Variants in RAI14 observed in about 807,000 individuals in gnomAD.
RAI14 encodes the protein retinoic acid induced 14, also known as ankycorbin.
In RAI14, 45 loss-of-function variants were observed where a neutral mutation model predicts 115.4. The observed-to-expected ratio is 0.39, with a 90% CI of 0.31 to 0.50. RAI14 has a LOEUF of 0.50. Ranked by LOEUF, RAI14 falls within the 20% of genes least tolerant of loss-of-function variation. The probability of loss-of-function intolerance (pLI) is 0.85; values close to 1 mark genes in which losing one functional copy is unlikely to be tolerated. For synonymous variants in RAI14, 371 were observed against 415.4 expected (o/e 0.89, Z 1.30); for missense variants, 939 against 1,131.2 (o/e 0.83, Z 2.44).
At chr5:34,820,102 G>C (rs187385033) in intron 13 of RAI14, among the ~76,000 whole-genome samples, 33 of 152,240 alleles carry the variant, frequency 2.2e-4, no homozygotes, top group Admixed American at 5.2e-4. Context: ...CTGTGATTTA[G>C]GCATCAGACT....
chr5:34,716,051 C>T (rs150182607), intron 2 of RAI14: 6 of 451,722 alleles, frequency 1.3e-5, no homozygotes, highest in African/African-American at 1.2e-4. Context: ...TTCCTGTCCT[C>T]TAGGAATTTG....
At chr5:34,798,261 A>C (rs529511250) in intron 4 of RAI14, among the ~76,000 whole-genome samples, 1 of 149,510 alleles carries the variant, frequency 6.7e-6, no homozygotes, top group African/African-American at 2.5e-5. Flanking sequence ...CTGGTCTTGA[A>C]CTCCTGACCT....
intron 3 of RAI14, among the ~76,000 whole-genome samples, chr5:34,761,500 C>T (rs569360339): frequency 2.0e-5 from 3 of 152,124 alleles, no homozygotes; most frequent in African/African-American, 4.8e-5. Flanking sequence ...AGAGAGCTTT[C>T]GTGGTAATTT....
intron 3 of RAI14, among the ~76,000 whole-genome samples, chr5:34,771,381 G>A (rs548283511): frequency 1.3e-5 from 2 of 152,280 alleles, no homozygotes; most frequent in Admixed American, 1.3e-4. Context: ...ACGCCCTGGT[G>A]GTGAAGAAGG....
At chr5:34,822,841 G>A (rs971876960) in intron 14 of RAI14, 115 bp from the exon 15 acceptor site, 15 of 916,414 alleles carry the variant, frequency 1.6e-5, no homozygotes, top group Non-Finnish European at 2.1e-5. Context: ...CCGCCACCAC[G>A]CCCGGCTAAT....
At chr5:34,721,880 T>G (rs1244459718) in intron 2 of RAI14, among the ~76,000 whole-genome samples, 1 of 152,094 alleles carries the variant, frequency 6.6e-6, no homozygotes, top group Non-Finnish European at 1.5e-5. Flanking sequence ...CCAGCTGTTT[T>G]GTAGTTTTAG....
chr5:34,668,345 G>GAGT (rs1743372706), intron 1 of RAI14, among the ~76,000 whole-genome samples: 1 of 150,306 alleles, frequency 6.7e-6, no homozygotes, highest in South Asian at 2.1e-4. Flanking sequence ...ACTGAGCCGA[G>GAGT]AGTACACCAT....
In RAI14 at chr5:34,789,382, G is replaced by T. The variant is rs560098389; in HGVS notation, c.168-6557G>T. 2.6e-5 allele frequency among the ~76,000 whole-genome samples: 4 copies of T among 152,316 alleles called. No individual in the cohort carries two copies. The South Asian group carries it at 8.3e-4, about 32-fold the overall frequency. On this transcript the variant is annotated intron_variant, in intron 3 of 17. Coordinates refer to ENST00000265109, the MANE Select transcript of RAI14 (RefSeq NM_015577.3). ...TTATTCAAAGTTGGCTATGCTTCTG[G>T]TTCACATTCCGAGGCTAAATGTTAA...
At chr5:34,772,467 A>G (rs1347131402) in intron 3 of RAI14, among the ~76,000 whole-genome samples, 1 of 152,220 alleles carries the variant, frequency 6.6e-6, no homozygotes, top group East Asian at 1.9e-4. Flanking sequence ...TGGGAGTAAT[A>G]AAGTTTACTC....
intron 2 of RAI14, among the ~76,000 whole-genome samples, chr5:34,744,369 C>T (rs1745911779): frequency 1.3e-5 from 2 of 152,028 alleles, no homozygotes; most frequent in South Asian, 2.1e-4. Context: ...TTTTGTGTAA[C>T]TACAAATTTT....
At chr5:34,691,921 C>T (rs1738650691) in intron 2 of RAI14, among the ~76,000 whole-genome samples, 1 of 152,138 alleles carries the variant, frequency 6.6e-6, no homozygotes, top group African/African-American at 2.4e-5. Flanking sequence ...TCTTAAAGAA[C>T]CAGGCATATC....
In RAI14 at chr5:34,792,665, G is replaced by A. The variant is rs115429561; in HGVS notation, c.168-3274G>A. Among the ~76,000 whole-genome samples the A allele has an allele frequency of 1.4e-3, 210 of 152,296 alleles. 1 individual carries two copies. Among genetic ancestry groups the A allele is most frequent in the African/African-American group, 4.6e-3 (190 of 41,574 alleles). ...TCTTGCAGAAACACCTTGAAATAAT[G>A]TTTAACTGAATCACATGAACTAGCA... On this transcript the variant is annotated intron_variant, in intron 3 of 17. Transcript: ENST00000265109.
At chr5:34,800,741 A>G (rs1754158723) in intron 4 of RAI14, among the ~76,000 whole-genome samples, 1 of 152,254 alleles carries the variant, frequency 6.6e-6, no homozygotes, top group Non-Finnish European at 1.5e-5. Flanking sequence ...TACTCAAAGT[A>G]AAAAGAAAAC....
At chr5:34,730,600 C>T (rs1218611007) in intron 2 of RAI14, among the ~76,000 whole-genome samples, 1 of 152,008 alleles carries the variant, frequency 6.6e-6, no homozygotes, top group African/African-American at 2.4e-5. Context: ...CACTTGAACC[C>T]GGGAGGCAGA....
intron 8 of RAI14, 132 bp from the exon 9 acceptor site, chr5:34,811,635 C>A: frequency 1.4e-6 from 1 of 730,774 alleles, no homozygotes; most frequent in Non-Finnish European, 2.1e-6. Context: ...ACTTCGAATT[C>A]CCTGAAGATT....
intron 1 of RAI14, among the ~76,000 whole-genome samples, chr5:34,676,450 A>G (rs1743979991): frequency 6.6e-6 from 1 of 152,194 alleles, no homozygotes; most frequent in South Asian, 2.1e-4. Flanking sequence ...TCCTAGAGTG[A>G]TTTTTATATT....
At chr5:34,820,409 G>A (rs180963648) in intron 13 of RAI14, among the ~76,000 whole-genome samples, 5 of 152,206 alleles carry the variant, frequency 3.3e-5, no homozygotes, top group African/African-American at 7.2e-5. Context: ...GCAAAACCCC[G>A]TCTCTACTAA....
In RAI14 at chr5:34,676,732, G is replaced by A. The variant is rs117532583; in HGVS notation, c.-48-10140G>A. On this transcript the variant is annotated intron_variant, in intron 1 of 17. Transcript: ENST00000265109. ...ATATTTGGTTTCCAAGAGAAATGTC[G>A]TCTCCTGGATAAAGGCAAGTTGTGA... Among the ~76,000 whole-genome samples the A allele has an allele frequency of 3.2e-3, 493 of 152,256 alleles. 18 individuals are homozygous for A. In the East Asian group the frequency reaches 0.06, roughly 18 times the overall value.
intron 2 of RAI14, among the ~76,000 whole-genome samples, chr5:34,723,264 GA>G (rs1012170487): frequency 9.3e-5 from 14 of 150,918 alleles, no homozygotes; most frequent in South Asian, 2.1e-4. Flanking sequence ...TCTATAGAGA[GA>G]AAAAAAAAGG....
Sources: gnomAD v4.1 joint callset for allele counts (sites outside exome capture counted in the v4.1 genomes callset) on GRCh38, gnomAD v4.1.1 for gene constraint, MANE v1.5 for transcripts, NCBI Gene and HGNC (gene_info 2026-07-23, HGNC 2026-07-21) for gene names.